LRP1B: variants seen among roughly 807,000 people sequenced by gnomAD.
LRP1B encodes low-density lipoprotein receptor-related protein 1B.
A neutral mutation model predicts 556.6 loss-of-function variants in LRP1B; 217 were observed. The ratio of observed to expected loss-of-function variants is 0.39; its 90% CI spans 0.35 to 0.44. The LOEUF (loss-of-function observed/expected upper bound fraction) is 0.44. LRP1B is among the 20% of genes least tolerant of loss of function. LRP1B has a pLI of 1.00. For missense variants in LRP1B, 5,053 were observed against 5,620.8 expected, an observed-to-expected ratio of 0.90 and a Z score of 3.23; for synonymous variants, 2,047 against 1,865.8, an observed-to-expected ratio of 1.10 and a Z score of -2.50.
chr2:141,429,907 T>G (rs1390648680), intron 3 of LRP1B, among the ~76,000 whole-genome samples: 2 of 152,172 alleles, frequency 1.3e-5, no homozygotes, highest in Admixed American at 1.3e-4. Context: ...AGTAAAATTG[T>G]GGAATTATTA....
At chr2:141,140,354 G>T (rs1285631689) in intron 7 of LRP1B, among the ~76,000 whole-genome samples, 1 of 151,980 alleles carries the variant, frequency 6.6e-6, no homozygotes, top group African/African-American at 2.4e-5. Context: ...CAGAATAAAA[G>T]AAATCTATTA....
intron 1 of LRP1B, among the ~76,000 whole-genome samples, chr2:141,998,260 T>C (rs900090984): frequency 7.2e-5 from 11 of 152,094 alleles, no homozygotes; most frequent in Non-Finnish European, 1.5e-5. Context: ...TCATTTTTAA[T>C]ACTCCTCTAA....
intron 2 of LRP1B, among the ~76,000 whole-genome samples, chr2:141,520,865 C>T (rs1476814662): frequency 6.6e-6 from 1 of 151,974 alleles, no homozygotes; most frequent in Non-Finnish European, 1.5e-5. Flanking sequence ...AAGAAAAAAG[C>T]AGGTCAGTGT....
chr2:140,975,560 G>A (rs565477403), intron 18 of LRP1B, among the ~76,000 whole-genome samples: 1 of 152,100 alleles, frequency 6.6e-6, no homozygotes, highest in African/African-American at 2.4e-5. Flanking sequence ...AGAAAGCTTT[G>A]ACTAAGATAT....
chr2:141,829,606 C>A (rs1023697243), intron 1 of LRP1B, among the ~76,000 whole-genome samples: 8 of 151,994 alleles, frequency 5.3e-5, no homozygotes, highest in Non-Finnish European at 1.0e-4. Flanking sequence ...GGATAAGTGG[C>A]AAGTTTGAGA....
intron 3 of LRP1B, among the ~76,000 whole-genome samples, chr2:141,299,619 T>C (rs1248168678): frequency 4.6e-5 from 7 of 152,214 alleles, no homozygotes; most frequent in Non-Finnish European, 8.8e-5. Flanking sequence ...TCCTTTCTTC[T>C]AGCAGTAATT....
intron 1 of LRP1B, among the ~76,000 whole-genome samples, chr2:142,018,242 GA>G (rs1349475254): frequency 3.3e-5 from 5 of 152,016 alleles, no homozygotes; most frequent in African/African-American, 1.2e-4. Context: ...AGTTGCAGTT[GA>G]TATTTAAATC....
chr2:140,940,841 G>A (rs547599762), intron 20 of LRP1B, among the ~76,000 whole-genome samples: 11 of 152,150 alleles, frequency 7.2e-5, no homozygotes, highest in African/African-American at 1.4e-4. Flanking sequence ...TTGAGTAATC[G>A]CCACAGTGTC....
intron 66 of LRP1B, among the ~76,000 whole-genome samples, chr2:140,423,923 A>G (rs1403649518): frequency 6.6e-6 from 1 of 152,160 alleles, no homozygotes. Flanking sequence ...GGAAAGAGAA[A>G]CTACATAATC....
At chr2:141,803,039 C>T (rs930834222) in intron 2 of LRP1B, among the ~76,000 whole-genome samples, 2 of 151,926 alleles carry the variant, frequency 1.3e-5, no homozygotes, top group Non-Finnish European at 2.9e-5. Flanking sequence ...GTTTTCATTC[C>T]CCATAGTTTA....
At chr2:141,616,671 T>TA (rs1182413210) in intron 2 of LRP1B, among the ~76,000 whole-genome samples, 1 of 152,234 alleles carries the variant, frequency 6.6e-6, no homozygotes, top group Non-Finnish European at 1.5e-5. Context: ...CAGTTCTTTT[T>TA]AAAAAATTGT....
rs187198922 is a variant in LRP1B at position 141,703,418 on chromosome 2, A to G, written c.205+106861T>C. Among the ~76,000 whole-genome samples the G allele has an allele frequency of 8.0e-4, 122 of 152,072 alleles. 2 individuals carry two copies. The highest frequency in any genetic ancestry group is 7.2e-3 in the Admixed American group (109 of 15,216). ...CATGTTAGCCTGTTTTTATGTATTA[A>G]TAACACAACGATTACGGGTAATTCT... is the stretch of plus-strand genomic sequence containing the variant. On this transcript the variant is annotated intron_variant, in intron 2 of 90. Coordinates refer to ENST00000389484, the MANE Select transcript of LRP1B (RefSeq NM_018557.3).
chr2:141,259,842 G>GA lies in LRP1B; in HGVS notation c.344-5202dup, dbSNP rs569038158. Among the ~76,000 whole-genome samples, 251 of 152,162 alleles carry GA rather than the reference G, an allele frequency of 1.6e-3. 1 individual carries two copies. The highest frequency in any genetic ancestry group is 5.6e-3 in the African/African-American group (233 of 41,526). ...GTTGGGAGTCTTAAATGAGGTAAGTGATACAAAGTTCTTAAAATATTGCTG... is the reference window on the plus strand; with the variant it reads ...GTTGGGAGTCTTAAATGAGGTAAGTGAATACAAAGTTCTTAAAATATTGCTG... On this transcript the variant is annotated intron_variant, in intron 3 of 90. Coordinates refer to ENST00000389484, the MANE Select transcript of LRP1B (RefSeq NM_018557.3).
chr2:142,047,764 C>A (rs1704311454), intron 1 of LRP1B, among the ~76,000 whole-genome samples: 2 of 151,876 alleles, frequency 1.3e-5, no homozygotes, highest in Admixed American at 1.3e-4. Flanking sequence ...CTGGGAGATG[C>A]TCTGTTTTGC....
chr2:141,630,695 CTAAA>C lies in LRP1B; in HGVS notation c.206-150166_206-150163del, dbSNP rs552801638. Among the ~76,000 whole-genome samples, 247 of 152,278 alleles carry C rather than the reference CTAAA, an allele frequency of 1.6e-3. 2 individuals carry two copies. Among genetic ancestry groups the C allele is most frequent in the Admixed American group, 0.015 (224 of 15,272 alleles). On this transcript the variant is annotated intron_variant, in intron 2 of 90. Coordinates refer to ENST00000389484, the MANE Select transcript of LRP1B (RefSeq NM_018557.3). ...GAGTTTATCAAAATGTAATCCCATC[CTAAA>C]TAGAGGAGCATCTGTAGCTGGTTAG...
At chr2:141,516,178 C>T (rs1219713208) in intron 2 of LRP1B, among the ~76,000 whole-genome samples, 2 of 152,112 alleles carry the variant, frequency 1.3e-5, no homozygotes, top group African/African-American at 2.4e-5. Flanking sequence ...GATTTGGCTT[C>T]AGGAATTTCT....
chr2:141,547,671 C>A (rs1376989598), intron 2 of LRP1B, among the ~76,000 whole-genome samples: 1 of 152,100 alleles, frequency 6.6e-6, no homozygotes, highest in African/African-American at 2.4e-5. Flanking sequence ...GTGTCCCGTG[C>A]AGCAGGCATG....
At position 141,967,044 on chromosome 2, in the gene LRP1B, A is replaced by C. The variant is rs564168501; in HGVS notation, c.83-156643T>G. On this transcript the variant is annotated intron_variant, in intron 1 of 90. Coordinates refer to ENST00000389484, the MANE Select transcript of LRP1B (RefSeq NM_018557.3). ...CTTTTCCTGCTCCTGGAAGATGACT[A>C]TCTCCTTTCCCATCTCCAACTTCTT... Among the ~76,000 whole-genome samples, 10 of 151,864 alleles carry C rather than the reference A, an allele frequency of 6.6e-5. 1 individual carries two copies. Among genetic ancestry groups the C allele is most frequent in the Admixed American group, 3.9e-4 (6 of 15,216 alleles).
chr2:141,166,669 A>T (rs1201475793), intron 7 of LRP1B, among the ~76,000 whole-genome samples: 1 of 151,208 alleles, frequency 6.6e-6, no homozygotes, highest in African/African-American at 2.4e-5. Context: ...AACCATCCCC[A>T]CTTCCCCCTC....
Sources: allele counts gnomAD v4.1 joint callset (sites outside exome capture counted in the v4.1 genomes callset), GRCh38; gene constraint gnomAD v4.1.1; transcripts MANE v1.5; gene names NCBI Gene and HGNC (gene_info 2026-07-23, HGNC 2026-07-21).